The following SNTB2 variants were observed in gnomAD, a reference collection of about 807,000 sequenced individuals.
SNTB2 encodes syntrophin beta 2.
Under a neutral mutation model 46.2 loss-of-function variants are expected in SNTB2, and 34 were observed. That is an observed-to-expected ratio of 0.74 (90% confidence interval 0.56 to 0.98). The LOEUF (loss-of-function observed/expected upper bound fraction) is 0.98. Among genes scored for constraint, SNTB2 ranks in the 50% least tolerant of loss-of-function variants. The probability of loss-of-function intolerance (pLI) is 0.00; values close to 1 mark genes in which losing one functional copy is unlikely to be tolerated. For synonymous variants in SNTB2, 290 were observed against 312.6 expected (o/e 0.93, Z 0.76); for missense variants, 603 against 731.4 (o/e 0.82, Z 2.02).
At chr16:69,194,858 A>G (rs972026551) in intron 1 of SNTB2, among the ~76,000 whole-genome samples, 5 of 152,248 alleles carry the variant, frequency 3.3e-5, no homozygotes, top group African/African-American at 1.2e-4. Flanking sequence ...GCAGACATTC[A>G]TTACATTGCT....
At chr16:69,278,829 A>C (rs1965007195) in intron 4 of SNTB2, among the ~76,000 whole-genome samples, 1 of 151,496 alleles carries the variant, frequency 6.6e-6, no homozygotes, top group Non-Finnish European at 1.5e-5. Context: ...CAATCTGGGC[A>C]CTAAGGACAC....
At chr16:69,278,889 A>AGTGTGTGTGTGTGTGTGTGT (rs71148981) in intron 4 of SNTB2, among the ~76,000 whole-genome samples, 18 of 141,000 alleles carry the variant, frequency 1.3e-4, no homozygotes, top group African/African-American at 4.7e-4. Flanking sequence ...AGGTGGGAAG[A>AGTGTGTGTGTGTGTGTGTGT]GTGTGTGTGT....
At chr16:69,264,080 G>A (rs1964862104) in intron 3 of SNTB2, among the ~76,000 whole-genome samples, 1 of 152,130 alleles carries the variant, frequency 6.6e-6, no homozygotes, top group Non-Finnish European at 1.5e-5. Context: ...ACAGGCATGA[G>A]CCACTGTACC....
chr16:69,188,313 A>G (rs1049399533), intron 1 of SNTB2, among the ~76,000 whole-genome samples: 1 of 152,188 alleles, frequency 6.6e-6, no homozygotes, highest in Non-Finnish European at 1.5e-5. Flanking sequence ...CTGTGTGGTT[A>G]ACGAACCTTG....
chr16:69,293,212 G>C (rs1361094241), intron 5 of SNTB2, among the ~76,000 whole-genome samples: 1 of 152,072 alleles, frequency 6.6e-6, no homozygotes, highest in Non-Finnish European at 1.5e-5. Context: ...AGTCAGTTTG[G>C]CTCATATGTC....
chr16:69,246,424 G>A (rs1025511829), intron 2 of SNTB2, among the ~76,000 whole-genome samples: 2 of 150,098 alleles, frequency 1.3e-5, no homozygotes, highest in African/African-American at 5.0e-5. Context: ...CTTGATTATG[G>A]TGGATAAGCT....
At chr16:69,257,494 T>C (rs1490862158) in intron 2 of SNTB2, among the ~76,000 whole-genome samples, 1 of 151,932 alleles carries the variant, frequency 6.6e-6, no homozygotes, top group African/African-American at 2.4e-5. Context: ...CTGCCCAGGC[T>C]GGAGTGCAGT....
At chr16:69,290,206 A>G (rs1390659608) in intron 5 of SNTB2, among the ~76,000 whole-genome samples, 1 of 152,212 alleles carries the variant, frequency 6.6e-6, no homozygotes, top group Non-Finnish European at 1.5e-5. Flanking sequence ...ATGAACTTCA[A>G]GATGAGTAGG....
rs1190678141 is a variant in SNTB2, at chr16:69,300,829, C to T, written c.1531-3C>T. 1.2e-6 allele frequency: 2 copies of T among 1,606,352 alleles called. No individual in the cohort carries two copies. The highest frequency in any genetic ancestry group is 2.2e-5 in the East Asian group (1 of 44,846). On this transcript the variant is annotated splice_polypyrimidine_tract_variant and splice_region_variant and intron_variant, in intron 6 of 6. Transcript: ENST00000336278. Reference sequence around the variant, plus strand: ...AGTGATGCTTAGTGTCCTTTCTCCACAGACCATGGACCTGCACTCTTGTCC... The same window carrying T: ...AGTGATGCTTAGTGTCCTTTCTCCATAGACCATGGACCTGCACTCTTGTCC...
At chr16:69,199,595 C>CA (rs60011703) in intron 1 of SNTB2, among the ~76,000 whole-genome samples, 7,217 of 76,832 alleles carry the variant, frequency 0.094, 573 homozygotes, top group South Asian at 0.12. Flanking sequence ...AACACTGCCT[C>CA]AAAAAAAAAA....
chr16:69,281,319 C>T (rs1965041407), intron 4 of SNTB2, among the ~76,000 whole-genome samples: 1 of 151,772 alleles, frequency 6.6e-6, no homozygotes, highest in South Asian at 2.1e-4. Context: ...GCAACCTCCG[C>T]CTCTCAGGTT....
At chr16:69,236,705 C>A (rs1039501206) in intron 1 of SNTB2, among the ~76,000 whole-genome samples, 4 of 149,208 alleles carry the variant, frequency 2.7e-5, no homozygotes, top group Admixed American at 2.7e-4. Context: ...GCAGCAGCAG[C>A]CACTACAGTG....
chr16:69,247,042 G>A (rs1003516014), intron 2 of SNTB2, among the ~76,000 whole-genome samples: 1 of 143,228 alleles, frequency 7.0e-6, no homozygotes, highest in Non-Finnish European at 1.5e-5. Context: ...AAAACTTAAA[G>A]TATAATAAAA....
intron 3 of SNTB2, 31 bp downstream of exon 3, chr16:69,260,291 T>A (rs1342437917): frequency 1.3e-5 from 21 of 1,601,466 alleles, no homozygotes; most frequent in Non-Finnish European, 1.7e-5. Context: ...GAGTATCACC[T>A]GGTTCCCATT....
intron 3 of SNTB2, among the ~76,000 whole-genome samples, chr16:69,268,846 C>A (rs925278729): frequency 1.3e-5 from 2 of 150,698 alleles, no homozygotes; most frequent in Non-Finnish European, 3.0e-5. Flanking sequence ...GCCTGGGCAA[C>A]AGAGCAAGAC....
intron 3 of SNTB2, 55 bp downstream of exon 3, chr16:69,260,315 G>T: frequency 1.3e-6 from 2 of 1,512,010 alleles, no homozygotes; most frequent in South Asian, 2.3e-5. Flanking sequence ...TGCCAGGATG[G>T]TTCCTCATTT....
chr16:69,273,625 A>T (rs559471669), intron 4 of SNTB2, among the ~76,000 whole-genome samples: 1 of 152,166 alleles, frequency 6.6e-6, no homozygotes, highest in Non-Finnish European at 1.5e-5. Flanking sequence ...CTAAAATTGA[A>T]TGTGGTGATG....
intron 4 of SNTB2, among the ~76,000 whole-genome samples, chr16:69,271,502 G>T (rs560469269): frequency 6.6e-6 from 1 of 152,260 alleles, no homozygotes; most frequent in African/African-American, 2.4e-5. Context: ...TGCTTTGCGT[G>T]TAGTAGGCCA....
Position 69,259,835 on chromosome 16 carries a change from C to A in SNTB2, c.795-215C>A, listed in dbSNP as rs191899270. Among the ~76,000 whole-genome samples, 6 of 151,604 alleles carry A rather than the reference C, an allele frequency of 4.0e-5. No homozygotes were observed. The East Asian group carries it at 9.8e-4, about 25-fold the overall frequency. On this transcript the variant is annotated intron_variant, in intron 2 of 6. Coordinates refer to ENST00000336278, the MANE Select transcript of SNTB2 (RefSeq NM_006750.4). Reference sequence around the variant, plus strand: ...GTGTTGCCCAGGCTGGTCTCGAACTCCTGAGCTCAGGCAATCCCCCTGCCT... The same window carrying A: ...GTGTTGCCCAGGCTGGTCTCGAACTACTGAGCTCAGGCAATCCCCCTGCCT...
Sources: gnomAD v4.1 joint callset for allele counts (sites outside exome capture counted in the v4.1 genomes callset) on GRCh38, gnomAD v4.1.1 for gene constraint, MANE v1.5 for transcripts, NCBI Gene and HGNC (gene_info 2026-07-23, HGNC 2026-07-21) for gene names.